Variants in KCNN1 observed in about 807,000 individuals in gnomAD.
The protein encoded by KCNN1 is small conductance calcium-activated potassium channel protein 1.
KCNN1 carries 20 observed loss-of-function variants against 44.7 expected under a neutral mutation model. The ratio of observed to expected loss-of-function variants is 0.45; its 90% CI spans 0.32 to 0.65. The LOEUF (loss-of-function observed/expected upper bound fraction) is 0.65, where lower values mean the gene tolerates loss of function less well. Ranked by LOEUF, KCNN1 falls within the 30% of genes least tolerant of loss-of-function variation. The probability of loss-of-function intolerance (pLI) is 0.05; values close to 1 mark genes in which losing one functional copy is unlikely to be tolerated. For synonymous variants in KCNN1, 324 were observed against 341.7 expected (o/e 0.95, Z 0.57); for missense variants, 632 against 785.3 (o/e 0.80, Z 2.33).
chr19:17,981,911 T>C lies in KCNN1; in HGVS notation c.701T>C (p.Met234Thr), dbSNP rs894689908. The C allele has an allele frequency of 6.2e-7, 1 of 1,613,064 alleles. No individual in the cohort carries two copies. The highest frequency in any genetic ancestry group is 1.3e-5 in the African/African-American group (1 of 74,914). ...GTGGACGTGCTGCTGTCCATCCCCA[T>C]GTTCCTGCGCCTCTACCTGCTGGGC... ...ADVDVLLSIP[M>T]FLRLYLLGRV... Residue 234 changes from methionine to threonine, a missense_variant, in exon 4 of 10, where the codon ATG becomes ACG. By Grantham distance (81) the Met-to-Thr change is moderately conservative. Coordinates refer to ENST00000684775, the MANE Select transcript of KCNN1 (RefSeq NM_001386974.1).
At chr19:17,977,707 C>T (rs1341125524) in intron 3 of KCNN1, among the ~76,000 whole-genome samples, 4 of 151,972 alleles carry the variant, frequency 2.6e-5, no homozygotes, top group Non-Finnish European at 4.4e-5. Context: ...CCTCATTTAA[C>T]GAGATGACCT....
At chr19:17,973,014 A>G (rs190489233) in intron 1 of KCNN1, among the ~76,000 whole-genome samples, 21 of 152,282 alleles carry the variant, frequency 1.4e-4, no homozygotes, top group Middle Eastern at 3.4e-3. Context: ...GAATCTGGTG[A>G]TTGGGAGACC....
At chr19:17,973,127 A>ATTTGTT (rs1338128735) in intron 1 of KCNN1, among the ~76,000 whole-genome samples, 1 of 151,962 alleles carries the variant, frequency 6.6e-6, no homozygotes, top group Non-Finnish European at 1.5e-5. Context: ...TTGGTGTTTT[A>ATTTGTT]TTTGTTTTTG....
intron 3 of KCNN1, 81 bp from the exon 4 acceptor site, chr19:17,981,628 T>C: frequency 1.6e-6 from 2 of 1,289,834 alleles, no homozygotes; most frequent in Non-Finnish European, 2.1e-6. Flanking sequence ...CTGACGTCAC[T>C]CTCTGGGGGC....
chr19:17,974,182 G>A lies in KCNN1; in HGVS notation c.294G>A (p.Ala98=), dbSNP rs370526158. The stretch of plus-strand genomic sequence containing the variant: ...GCCACCGCCTGGGCCACCGGCGGGC[G>A]CTCTTCGAGAAGCGGAAGCGCCTCA... ...NVGHRLGHRR[A]LFEKRKRLSD... The change falls in exon 2 of 10, where the codon GCG becomes GCA. Residue 98 remains alanine, a synonymous_variant. Coordinates refer to ENST00000684775, the MANE Select transcript of KCNN1 (RefSeq NM_001386974.1). The surrounding 1 kb of genome is among the most constrained non-coding windows in gnomAD (Gnocchi z 7.3). 49 of 1,612,368 alleles carry A rather than the reference G, an allele frequency of 3.0e-5. No homozygotes were observed. The highest frequency in any genetic ancestry group is 3.6e-5 in the Non-Finnish European group (43 of 1,179,800).
chr19:17,958,596 G>A (rs1490114628), intron 2 of KCNN1, among the ~76,000 whole-genome samples: 2 of 149,414 alleles, frequency 1.3e-5, no homozygotes, highest in Non-Finnish European at 3.0e-5. Flanking sequence ...AGTGATTCTC[G>A]TGCCTTAACC....
At chr19:17,970,404 A>G (rs1161472841) in intron 1 of KCNN1, among the ~76,000 whole-genome samples, 2 of 135,188 alleles carry the variant, frequency 1.5e-5, no homozygotes, top group Non-Finnish European at 3.0e-5. Flanking sequence ...TGCAACCTCC[A>G]CTTCCCGGGT....
intron 3 of KCNN1, among the ~76,000 whole-genome samples, chr19:17,978,218 C>T (rs2032272744): frequency 6.6e-6 from 1 of 151,038 alleles, no homozygotes; most frequent in South Asian, 2.1e-4. Flanking sequence ...CCTCCGCCTC[C>T]TGGGTTCAAG....
In KCNN1 at chr19:17,974,120, G is replaced by T. The variant is rs768255505; in HGVS notation, c.232G>T (p.Gly78Cys). 6.2e-7 allele frequency: 1 copy of T among 1,612,788 alleles called. No homozygotes were observed. The highest frequency in any genetic ancestry group is 8.5e-7 in the Non-Finnish European group (1 of 1,179,860). ...DDEDDEEDEAGRQRASGKPSN... is the reference protein window; with the variant it reads ...DDEDDEEDEACRQRASGKPSN... ...CGAGGATGATGAGGAAGATGAGGCC[G>T]GCAGGCAGAGAGCCTCGGGGAAACC... The change falls in exon 2 of 10, where the codon GGC (glycine) becomes TGC (cysteine). Residue 78 changes from glycine to cysteine, a missense_variant. Transcript: ENST00000684775. The surrounding 1 kb of genome is among the most constrained non-coding windows in gnomAD (Gnocchi z 7.3).
chr19:17,998,330 G>GC lies in KCNN1; in HGVS notation c.1560dup (p.Gly521ArgfsTer63). Reference sequence around the variant, plus strand: ...CCGCCTCCCCTGCCTCCCAGGCCCGGCCCCGGCCCCCAAGACCAGGCAGCC... The same window carrying GC: ...CCGCCTCCCCTGCCTCCCAGGCCCGGCCCCCGGCCCCCAAGACCAGGCAGCC... On this transcript the variant is annotated frameshift_variant, in exon 10 of 10. Transcript: ENST00000684775. LOFTEE classifies it low-confidence loss of function (END_TRUNC). The surrounding 1 kb of genome is among the most constrained non-coding windows in gnomAD (Gnocchi z 5.4). 6.5e-7 allele frequency: 1 copy of GC among 1,532,766 alleles called. No homozygotes were observed. Among genetic ancestry groups the GC allele is most frequent in the Non-Finnish European group, 8.7e-7 (1 of 1,145,016 alleles). The allele number at this position is 1,532,766 out of a possible 1,614,324, so 94.9% of individuals were successfully genotyped here.
rs2032724326 is a variant in KCNN1, at chr19:17,989,779, G to C, written c.1234G>C (p.Val412Leu). 6.2e-7 allele frequency: 1 copy of C among 1,613,946 alleles called. No homozygotes were observed. The highest frequency in any genetic ancestry group is 8.5e-7 in the Non-Finnish European group (1 of 1,179,876). The change falls in exon 7 of 10, where the codon GTG becomes CTG. Residue 412 changes from valine to leucine, a missense_variant. This residue lies in a region of KCNN1 where 237 missense variants were observed against 253.0 expected (regional missense o/e 0.94). Transcript: ENST00000684775. ...GCTCATCTACAAACATACCAGGCTG[G>C]TGAAGAAGCCAGACCAAGCCCGGGT... The part of the protein sequence containing the change: ...TWLIYKHTRL[V>L]KKPDQARVRK...
At chr19:17,951,940 G>A (rs1398030856) in intron 1 of KCNN1, among the ~76,000 whole-genome samples, 1 of 152,260 alleles carries the variant, frequency 6.6e-6, no homozygotes, top group African/African-American at 2.4e-5. Context: ...CCGGGCCTCA[G>A]TTTCCCCGTC....
Position 17,998,296 on chromosome 19 carries a change from C to G in KCNN1, c.1522C>G (p.Arg508Gly), listed in dbSNP as rs770427152. Reference sequence around the variant, plus strand: ...GCCTGGCCTCATCGCCCAAGCCATACGCCCACCCCCGCCTCCCCTGCCTCC... The same window carrying G: ...GCCTGGCCTCATCGCCCAAGCCATAGGCCCACCCCCGCCTCCCCTGCCTCC... ...ALPGLIAQAI[R>G]PPPPPLPPRP... The change falls in exon 10 of 10, where the codon CGC (arginine) becomes GGC (glycine). Residue 508 changes from arginine (R) to glycine (G), a missense_variant. Arg to Gly is a moderately radical substitution (Grantham distance 125). This residue lies in a region of KCNN1 where 237 missense variants were observed against 253.0 expected (regional missense o/e 0.94). Coordinates refer to ENST00000684775, the MANE Select transcript of KCNN1 (RefSeq NM_001386974.1). The surrounding 1 kb of genome is among the most constrained non-coding windows in gnomAD (Gnocchi z 5.4). 1.3e-6 allele frequency: 2 copies of G among 1,544,300 alleles called. No individual in the cohort carries two copies. The highest frequency in any genetic ancestry group is 1.7e-6 in the Non-Finnish European group (2 of 1,149,892).
At chr19:17,965,137 C>T (rs191006281), upstream of KCNN1, among the ~76,000 whole-genome samples, 133 of 152,022 alleles carry the variant, frequency 8.7e-4, no homozygotes, top group Middle Eastern at 6.8e-3. Flanking sequence ...TGGTGGTGCA[C>T]GCCTGTAATC....
At chr19:17,988,328 G>A in intron 5 of KCNN1, 87 bp from the exon 6 acceptor site, 1 of 1,026,820 alleles carries the variant, frequency 9.7e-7, no homozygotes, top group Admixed American at 2.0e-5. Context: ...CTCAGAGAAT[G>A]GGGAGGCTGC....
intron 1 of KCNN1, among the ~76,000 whole-genome samples, chr19:17,971,314 C>T (rs1195472545): frequency 6.6e-6 from 1 of 152,178 alleles, no homozygotes; most frequent in African/African-American, 2.4e-5. Context: ...CATGGGGGAC[C>T]CCTAGTGCAT....
At chr19:17,981,436 C>T (rs926596541) in intron 3 of KCNN1, among the ~76,000 whole-genome samples, 2 of 151,776 alleles carry the variant, frequency 1.3e-5, no homozygotes, top group African/African-American at 2.4e-5. Flanking sequence ...CCTGTAATTC[C>T]AGCTACTCCG....
Position 17,999,105 on chromosome 19 carries a change from T to C in KCNN1, c.*699T>C, listed in dbSNP as rs904183545. On this transcript the variant is annotated 3_prime_UTR_variant, in exon 10 of 10. Coordinates refer to ENST00000684775, the MANE Select transcript of KCNN1 (RefSeq NM_001386974.1). ...TTGAGCACCTGCTGTCTACAGAGAA[T>C]GTGATGATGTCAATTACCACACTGA... 1.3e-5 allele frequency: 2 copies of C among 152,242 alleles called. No homozygotes were observed. Among genetic ancestry groups the C allele is most frequent in the Non-Finnish European group, 2.9e-5 (2 of 68,052 alleles). The allele number at this position is 152,242 out of a possible 1,614,324, so 9.4% of individuals were successfully genotyped here. A position where few individuals can be genotyped will look rare whatever the true frequency, so the allele number is the denominator to read the frequency against.
At chr19:17,954,850 C>T (rs996450017) in intron 2 of KCNN1, among the ~76,000 whole-genome samples, 2 of 151,820 alleles carry the variant, frequency 1.3e-5, no homozygotes, top group Non-Finnish European at 2.9e-5. Context: ...CCAGTTTGGC[C>T]GACATGGCGA....
Sources: allele counts gnomAD v4.1 joint callset (sites outside exome capture counted in the v4.1 genomes callset), GRCh38; gene constraint gnomAD v4.1.1; regional missense constraint gnomAD v4.1.1; non-coding constraint Gnocchi (gnomAD v3.1); transcripts MANE v1.5; gene names NCBI Gene and HGNC (gene_info 2026-07-23, HGNC 2026-07-21).